The following TECPR1 variants were observed in gnomAD, a reference collection of about 807,000 sequenced individuals.
TECPR1 encodes tectonin beta-propeller repeat-containing protein 1.
TECPR1 carries 122 observed loss-of-function variants against 162.4 expected under a neutral mutation model. The ratio of observed to expected loss-of-function variants is 0.75; its 90% CI spans 0.65 to 0.87. The LOEUF is 0.87. TECPR1 is among the 40% of genes least tolerant of loss of function. The pLI, the probability that TECPR1 is intolerant of heterozygous loss-of-function variation, is 0.00. For missense variants in TECPR1, 1,432 were observed against 1,618.2 expected, an observed-to-expected ratio of 0.88 and a Z score of 1.97; for synonymous variants, 642 against 670.6, an observed-to-expected ratio of 0.96 and a Z score of 0.66.
chr7:98,251,012 G>T (rs558138384), intron 2 of TECPR1: 1 of 152,262 alleles, frequency 6.6e-6, no homozygotes, highest in South Asian at 2.1e-4. Context: ...AGCTCCTCAT[G>T]GGCCACTTTC....
intron 23 of TECPR1, among the ~76,000 whole-genome samples, chr7:98,220,069 C>T (rs1363736147): frequency 2.0e-5 from 3 of 151,742 alleles, no homozygotes; most frequent in Admixed American, 6.6e-5. Context: ...CAGCCAGGCG[C>T]GGTGGCTCAT....
Position 98,236,944 on chromosome 7 carries a change from C to T in TECPR1, c.1036-23G>A, listed in dbSNP as rs780595936. On this transcript the variant is annotated intron_variant, in intron 9 of 25. Transcript: ENST00000447648. The stretch of plus-strand genomic sequence containing the variant: ...CACCTGGAAGAGAGAGGCTGTGTTC[C>T]GAGGAATCTGGGCGCAGGCCCGGGG... The T allele has an allele frequency of 1.6e-5, 24 of 1,515,166 alleles. 1 individual carries two copies. The highest frequency in any genetic ancestry group is 9.7e-5 in the East Asian group (4 of 41,154). 93.9% of individuals were successfully genotyped at this position (1,515,166 alleles called of 1,614,324 possible).
In TECPR1 at chr7:98,223,051, C is replaced by A; in HGVS notation, c.2867G>T (p.Trp956Leu). Residue 956 changes from tryptophan to leucine, a missense_variant, in exon 21 of 26, where the codon TGG becomes TTG. Coordinates refer to ENST00000447648, the MANE Select transcript of TECPR1 (RefSeq NM_015395.3). ...CACATCCCCCTTGTCGCTGACGGCC[C>A]AGAGGGCGATGCTGTGCCCACTCCC... is the stretch of plus-strand genomic sequence containing the variant. ...AEGSGHSIAL[W>L]AVSDKGDVLC... 1.2e-6 allele frequency: 2 copies of A among 1,609,442 alleles called. No homozygotes were observed. The highest frequency in any genetic ancestry group is 1.7e-6 in the Non-Finnish European group (2 of 1,178,538).
At chr7:98,236,518 G>A (rs1004471742) in intron 10 of TECPR1, among the ~76,000 whole-genome samples, 1 of 151,678 alleles carries the variant, frequency 6.6e-6, no homozygotes, top group African/African-American at 2.4e-5. Flanking sequence ...CTGCTCCCAG[G>A]TGCCGCCACC....
In TECPR1 at chr7:98,232,690, C is replaced by A; in HGVS notation, c.1818+137G>T. 8.4e-7 allele frequency: 1 copy of A among 1,185,184 alleles called. No homozygotes were observed. Among genetic ancestry groups the A allele is most frequent in the Non-Finnish European group, 1.1e-6 (1 of 875,568 alleles). 73.4% of individuals were successfully genotyped at this position (1,185,184 alleles called of 1,614,324 possible). ...ACGAAGAAACCCTGAGCTCATTTCT[C>A]TATGCCTGCATCTGGGCGGGAGACC... On this transcript the variant is annotated intron_variant, in intron 12 of 25. Transcript: ENST00000447648. This position sits in a 1 kb window ranked among gnomAD's most constrained non-coding sequence, Gnocchi z 4.6.
Position 98,241,150 on chromosome 7 carries a change from C to T in TECPR1, c.752G>A (p.Gly251Glu). ...TGTGGCCCACAGGAGGTCGTGGGGC[C>T]CACAGCTGATCTGAACCACCTCCCC... Reference protein sequence around the residue: ...TPGEVVQISCGPHDLLWATLW... With the variant: ...TPGEVVQISCEPHDLLWATLW... Residue 251 changes from glycine to glutamate, a missense_variant, in exon 7 of 26, where the codon GGG becomes GAG. Coordinates refer to ENST00000447648, the MANE Select transcript of TECPR1 (RefSeq NM_015395.3). The surrounding 1 kb of genome is among the most constrained non-coding windows in gnomAD (Gnocchi z 5.0). The T allele has an allele frequency of 6.2e-7, 1 of 1,612,872 alleles. No homozygotes were observed. Among genetic ancestry groups the T allele is most frequent in the Non-Finnish European group, 8.5e-7 (1 of 1,179,820 alleles).
Position 98,218,024 on chromosome 7 carries a change from T to C in TECPR1, c.3176A>G (p.Gln1059Arg), listed in dbSNP as rs968501470. The change falls in exon 24 of 26, where the codon CAA (glutamine) becomes CGA (arginine). Residue 1059 changes from glutamine (Q) to arginine (R), a missense_variant. Transcript: ENST00000447648. Reference protein sequence around the residue: ...LDENGNLWYRQGITPSYPQGS... With the variant: ...LDENGNLWYRRGITPSYPQGS... ...CTGCGGGTAGCTGGGCGTGATCCCT[T>C]GGCGATACCACAGGTTTCCTGGGGA... 1.9e-6 allele frequency: 3 copies of C among 1,566,246 alleles called. No homozygotes were observed. Among genetic ancestry groups the C allele is most frequent in the Non-Finnish European group, 2.6e-6 (3 of 1,156,008 alleles).
chr7:98,225,566 G>A (rs1484630999), intron 17 of TECPR1, among the ~76,000 whole-genome samples: 1 of 151,708 alleles, frequency 6.6e-6, no homozygotes, highest in Non-Finnish European at 1.5e-5. Context: ...GGGGGAGGGG[G>A]GAAAATTTGG....
At position 98,215,350 on chromosome 7, in the gene TECPR1, C is replaced by T. The variant is rs1275246960; in HGVS notation, c.*2040G>A. 1.3e-5 allele frequency: 2 copies of T among 152,240 alleles called. No individual in the cohort carries two copies. The highest frequency in any genetic ancestry group is 1.3e-4 in the Admixed American group (2 of 15,284). The allele number at this position is 152,240 out of a possible 1,614,324, so 9.4% of individuals were successfully genotyped here. On this transcript the variant is annotated 3_prime_UTR_variant, in exon 26 of 26. Transcript: ENST00000447648. Reference sequence around the variant, plus strand: ...GTGCTGAAAATGTTTCTCAAATGACCCAAATTGGCTCTTATTTTTTCTAAT... The same window carrying T: ...GTGCTGAAAATGTTTCTCAAATGACTCAAATTGGCTCTTATTTTTTCTAAT...
At chr7:98,229,218 CCCTG>C in intron 15 of TECPR1, 52 bp from the exon 16 acceptor site, 1 of 1,528,604 alleles carries the variant, frequency 6.5e-7, no homozygotes, top group Non-Finnish European at 8.8e-7. Flanking sequence ...CACCTTCCAA[CCCTG>C]CCTGGCTGCC....
In TECPR1 at chr7:98,241,857, G is replaced by A. The variant is rs970767482; in HGVS notation, c.658-613C>T. On this transcript the variant is annotated intron_variant, in intron 6 of 25. Coordinates refer to ENST00000447648, the MANE Select transcript of TECPR1 (RefSeq NM_015395.3). The surrounding 1 kb of genome is among the most constrained non-coding windows in gnomAD (Gnocchi z 5.0). Reference sequence around the variant, plus strand: ...GGACCAGGCCTAGGAGCCTCCCTTCGGCTAGCAGGTGGCCCATCTGTCTCC... The same window carrying A: ...GGACCAGGCCTAGGAGCCTCCCTTCAGCTAGCAGGTGGCCCATCTGTCTCC... Among the ~76,000 whole-genome samples the A allele has an allele frequency of 6.6e-5, 10 of 152,264 alleles. No homozygotes were observed. Among genetic ancestry groups the A allele is most frequent in the Middle Eastern group, 3.4e-3 (1 of 294 alleles).
chr7:98,240,115 A>C (rs1490868888), intron 8 of TECPR1, among the ~76,000 whole-genome samples: 1 of 152,042 alleles, frequency 6.6e-6, no homozygotes, highest in African/African-American at 2.4e-5. Context: ...TCTCAAAAAA[A>C]ACAAACAAAA....
At chr7:98,235,573 G>A (rs999665311) in intron 10 of TECPR1, among the ~76,000 whole-genome samples, 1 of 147,762 alleles carries the variant, frequency 6.8e-6, no homozygotes, top group Non-Finnish European at 1.5e-5. Flanking sequence ...GGTGGCTCAC[G>A]CCTGTAATCC....
intron 2 of TECPR1, among the ~76,000 whole-genome samples, chr7:98,250,473 A>G (rs1211235705): frequency 1.3e-5 from 2 of 151,972 alleles, no homozygotes; most frequent in Non-Finnish European, 2.9e-5. Flanking sequence ...GTAAAAATAA[A>G]AAGTTAAAAA....
In TECPR1 at chr7:98,217,770, C is replaced by G. The variant is rs1337191897; in HGVS notation, c.3306G>C (p.Leu1102=). ...TGCGATGACACACTGTCCCCCGGCT[C>G]AGGCTGTGGCTGCCCTGCACTTTGT... ...IANKVQGSHS[L]SRGTVCHRTG... Residue 1102 remains leucine, a synonymous_variant, in exon 25 of 26, where the codon CTG becomes CTC. Coordinates refer to ENST00000447648, the MANE Select transcript of TECPR1 (RefSeq NM_015395.3). 2 of 1,551,112 alleles carry G rather than the reference C, an allele frequency of 1.3e-6. No individual in the cohort carries two copies. The highest frequency in any genetic ancestry group is 1.7e-6 in the Non-Finnish European group (2 of 1,147,152).
At chr7:98,245,789 A>G (rs1204981608) in intron 3 of TECPR1, 133 bp downstream of exon 3, 1 of 836,380 alleles carries the variant, frequency 1.2e-6, no homozygotes, top group South Asian at 1.7e-5. Flanking sequence ...ACAGATTTTA[A>G]GTACAAGGAA....
Position 98,231,019 on chromosome 7 carries a change from CGAA to C in TECPR1, c.2221_2223del (p.Phe741del). On this transcript the variant is annotated inframe_deletion, in exon 15 of 26. Coordinates refer to ENST00000447648, the MANE Select transcript of TECPR1 (RefSeq NM_015395.3). ...TCCAGGTCTGGGCTGGGCTCGCTCA[CGAA>C]GATGTCCCCCTTGCAGGTGATGGAC... The C allele has an allele frequency of 6.2e-7, 1 of 1,612,894 alleles. No individual in the cohort carries two copies. Among genetic ancestry groups the C allele is most frequent in the Non-Finnish European group, 8.5e-7 (1 of 1,179,632 alleles).
intron 11 of TECPR1, 181 bp from the exon 12 acceptor site, chr7:98,233,153 A>T: frequency 3.6e-6 from 3 of 836,334 alleles, no homozygotes; most frequent in Non-Finnish European, 5.3e-6. Context: ...TTCAGCCTGG[A>T]AAGCAGCCAC....
intron 9 of TECPR1, 48 bp from the exon 10 acceptor site, chr7:98,236,969 G>A: frequency 6.8e-7 from 1 of 1,478,006 alleles, no homozygotes; most frequent in Non-Finnish European, 9.0e-7. Flanking sequence ...CAGGCCCGGG[G>A]GCTCTTCTCG....
Sources: allele counts gnomAD v4.1 joint callset (sites outside exome capture counted in the v4.1 genomes callset), GRCh38; gene constraint gnomAD v4.1.1; non-coding constraint Gnocchi (gnomAD v3.1); transcripts MANE v1.5; gene names NCBI Gene and HGNC (gene_info 2026-07-23, HGNC 2026-07-21).